LHFPL5: variants seen among roughly 807,000 people sequenced by gnomAD.
LHFPL5 encodes LHFPL tetraspan subfamily member 5.
In LHFPL5, 12 loss-of-function variants were observed where a neutral mutation model predicts 18.7. That is an observed-to-expected ratio of 0.64 (90% CI 0.41 to 1.04). The LOEUF is 1.04. Ranked by LOEUF, LHFPL5 falls within the 50% of genes least tolerant of loss-of-function variation. The pLI is 0.00. For synonymous variants in LHFPL5, 111 were observed against 120.2 expected, an observed-to-expected ratio of 0.92 and a Z score of 0.50; for missense variants, 259 against 292.1, an observed-to-expected ratio of 0.89 and a Z score of 0.83.
At chr6:35,806,447 A>G (rs1249110317) in intron 1 of LHFPL5, among the ~76,000 whole-genome samples, 1 of 152,166 alleles carries the variant, frequency 6.6e-6, no homozygotes, top group African/African-American at 2.4e-5. Flanking sequence ...GAGAGAAAGA[A>G]GGAAGCTTCC....
chr6:35,811,073 G>T (rs956323226), intron 1 of LHFPL5, among the ~76,000 whole-genome samples: 5 of 152,162 alleles, frequency 3.3e-5, no homozygotes, highest in African/African-American at 1.2e-4. Context: ...AGAGGGAAGG[G>T]AACTCTGGGA....
At chr6:35,806,144 C>G (rs1159854534) in intron 1 of LHFPL5, 62 bp downstream of exon 1, 2 of 1,565,944 alleles carry the variant, frequency 1.3e-6, no homozygotes, top group Non-Finnish European at 1.7e-6. Flanking sequence ...TGCAGCTGCA[C>G]CATCCCAGCC....
chr6:35,813,228 T>A (rs953060653), intron 1 of LHFPL5, among the ~76,000 whole-genome samples: 1 of 144,816 alleles, frequency 6.9e-6, no homozygotes, highest in Admixed American at 7.2e-5. Flanking sequence ...AACCATGACC[T>A]AGGAACTAGC....
chr6:35,807,992 T>G (rs1317446444), intron 1 of LHFPL5, among the ~76,000 whole-genome samples: 1 of 152,030 alleles, frequency 6.6e-6, no homozygotes, highest in African/African-American at 2.4e-5. Context: ...TAGGAAGGCA[T>G]GCACCTTTGA....
At chr6:35,808,384 A>G (rs1338568107) in intron 1 of LHFPL5, among the ~76,000 whole-genome samples, 2 of 146,874 alleles carry the variant, frequency 1.4e-5, no homozygotes, top group African/African-American at 4.9e-5. Flanking sequence ...GCAGTGGCTC[A>G]GGCCTGTAAT....
Position 35,823,471 on chromosome 6 carries a change from A to ACTCTCTCT in LHFPL5, c.*507_*508insTCTCTCTC, listed in dbSNP as rs879320336. ...TATACACACACACACACACACACAC[A>ACTCTCTCT]CACACACTCTCTCTCTCTCTCAAAC... On this transcript the variant is annotated 3_prime_UTR_variant, in exon 4 of 4. Coordinates refer to ENST00000360215, the MANE Select transcript of LHFPL5 (RefSeq NM_182548.4). 28 of 106,356 alleles carry ACTCTCTCT rather than the reference A, an allele frequency of 2.6e-4. No individual in the cohort carries two copies. Among genetic ancestry groups the ACTCTCTCT allele is most frequent in the Middle Eastern group, 5.4e-3 (1 of 184 alleles). The allele number at this position is 106,356 out of a possible 1,614,324, so 6.6% of individuals were successfully genotyped here. A position where few individuals can be genotyped will look rare whatever the true frequency, so the allele number is the denominator to read the frequency against.
chr6:35,812,820 C>T (rs2766526), intron 1 of LHFPL5, among the ~76,000 whole-genome samples: 6,758 of 152,246 alleles, frequency 0.044, 473 homozygotes, highest in African/African-American at 0.15. Flanking sequence ...TTTGGGAGGC[C>T]AAGGCCGGCG....
chr6:35,806,216 T>C, intron 1 of LHFPL5, 134 bp downstream of exon 1: 1 of 926,916 alleles, frequency 1.1e-6, no homozygotes, highest in East Asian at 2.7e-5. Flanking sequence ...TACTCAGTGC[T>C]CTGCAGAAGA....
chr6:35,810,164 C>T (rs1233900678), intron 1 of LHFPL5, among the ~76,000 whole-genome samples: 1 of 152,176 alleles, frequency 6.6e-6, no homozygotes, highest in Non-Finnish European at 1.5e-5. Context: ...TCTGGGGTCC[C>T]TTTTATAAGG....
chr6:35,805,623 C>T lies in LHFPL5; in HGVS notation c.-48C>T, dbSNP rs770313507. ...TTCTAGGCCTCCATCCACAAAGCTA[C>T]GGACTTGCAGCCCACGGGACCCCAG... is the stretch of plus-strand genomic sequence containing the variant. On this transcript the variant is annotated 5_prime_UTR_variant, in exon 1 of 4. The change creates a new upstream start codon in the 5' untranslated region. Transcript: ENST00000360215. The surrounding 1 kb of genome is among the most constrained non-coding windows in gnomAD (Gnocchi z 4.3). The T allele has an allele frequency of 5.0e-6, 8 of 1,605,686 alleles. No individual in the cohort carries two copies. Among genetic ancestry groups the T allele is most frequent in the Non-Finnish European group, 6.8e-6 (8 of 1,173,444 alleles).
intron 2 of LHFPL5, among the ~76,000 whole-genome samples, chr6:35,816,356 A>AG (rs1265080254): frequency 6.6e-6 from 1 of 151,040 alleles, no homozygotes; most frequent in Non-Finnish European, 1.5e-5. Flanking sequence ...AAAAAAAAAA[A>AG]AAAAAGAAAA....
chr6:35,814,541 C>G lies in LHFPL5; in HGVS notation c.413-5C>G. 6.2e-7 allele frequency: 1 copy of G among 1,610,966 alleles called. No homozygotes were observed. Among genetic ancestry groups the G allele is most frequent in the South Asian group, 1.1e-5 (1 of 91,034 alleles). On this transcript the variant is annotated splice_polypyrimidine_tract_variant and splice_region_variant and intron_variant, in intron 1 of 3. Coordinates refer to ENST00000360215, the MANE Select transcript of LHFPL5 (RefSeq NM_182548.4). This position sits in a 1 kb window ranked among gnomAD's most constrained non-coding sequence, Gnocchi z 4.2. ...ATGCCATGTGCACCCCTCCTTCCCC[C>G]TCAGCCACAGGCCTAATGATTGGCT...
chr6:35,806,812 TTTGTTG>T (rs958926834), intron 1 of LHFPL5, among the ~76,000 whole-genome samples: 2 of 151,944 alleles, frequency 1.3e-5, no homozygotes, highest in South Asian at 2.1e-4. Flanking sequence ...TTAGGGTCCT[TTTGTTG>T]TTGTTGTTGT....
At chr6:35,808,570 T>C (rs1386827521) in intron 1 of LHFPL5, among the ~76,000 whole-genome samples, 77 of 34,740 alleles carry the variant, frequency 2.2e-3, no homozygotes, top group African/African-American at 0.016. Context: ...TATACATATA[T>C]ATATATATAT....
chr6:35,821,656 T>G (rs1056618731), intron 3 of LHFPL5, among the ~76,000 whole-genome samples: 2 of 151,698 alleles, frequency 1.3e-5, no homozygotes, highest in Non-Finnish European at 2.9e-5. Context: ...TAATTTTGTA[T>G]TTTTAGTAGA....
At chr6:35,806,212 G>A in intron 1 of LHFPL5, 130 bp downstream of exon 1, 1 of 947,218 alleles carries the variant, frequency 1.1e-6, no homozygotes, top group Admixed American at 2.4e-5. Context: ...GTCCTACTCA[G>A]TGCTCTGCAG....
At position 35,805,517 on chromosome 6, in the gene LHFPL5, C is replaced by T; in HGVS notation, c.-154C>T. 1.4e-6 allele frequency: 1 copy of T among 707,146 alleles called. No individual in the cohort carries two copies. Among genetic ancestry groups the T allele is most frequent in the South Asian group, 1.6e-5 (1 of 61,010 alleles). 43.8% of individuals were successfully genotyped at this position (707,146 alleles called of 1,614,324 possible). A position where few individuals can be genotyped will look rare whatever the true frequency, so the allele number is the denominator to read the frequency against. ...CAAGGTTGTCCTTGTCCTATTAAGCCTCTTCCCCTTGCCTTGAAGGGACCT... is the reference window on the plus strand; with the variant it reads ...CAAGGTTGTCCTTGTCCTATTAAGCTTCTTCCCCTTGCCTTGAAGGGACCT... On this transcript the variant is annotated 5_prime_UTR_variant, in exon 1 of 4. Coordinates refer to ENST00000360215, the MANE Select transcript of LHFPL5 (RefSeq NM_182548.4). This position sits in a 1 kb window ranked among gnomAD's most constrained non-coding sequence, Gnocchi z 4.3.
chr6:35,813,952 A>C (rs1449264084), intron 1 of LHFPL5, among the ~76,000 whole-genome samples: 11 of 151,164 alleles, frequency 7.3e-5, no homozygotes, highest in Non-Finnish European at 1.6e-4. Flanking sequence ...ATGTACCACC[A>C]CTCCCTGCTA....
At chr6:35,817,319 TA>T (rs929835638) in intron 2 of LHFPL5, among the ~76,000 whole-genome samples, 56 of 146,366 alleles carry the variant, frequency 3.8e-4, no homozygotes, top group Admixed American at 6.1e-4. Context: ...AGACTCAATC[TA>T]AAAAAAAAAA....
Sources: allele counts gnomAD v4.1 joint callset (sites outside exome capture counted in the v4.1 genomes callset), GRCh38; gene constraint gnomAD v4.1.1; non-coding constraint Gnocchi (gnomAD v3.1); transcripts MANE v1.5; gene names NCBI Gene and HGNC (gene_info 2026-07-23, HGNC 2026-07-21).